Variants in PDE10A observed in about 807,000 individuals in gnomAD.
PDE10A encodes phosphodiesterase 10A.
A neutral mutation model predicts 97.7 loss-of-function variants in PDE10A; 39 were observed. That is an observed-to-expected ratio of 0.40 (90% CI 0.31 to 0.52). The LOEUF (loss-of-function observed/expected upper bound fraction) is 0.52. PDE10A is among the 20% of genes least tolerant of loss of function. The pLI, the probability that PDE10A is intolerant of heterozygous loss-of-function variation, is 0.56. For synonymous variants in PDE10A, 371 were observed against 376.8 expected, an observed-to-expected ratio of 0.98 and a Z score of 0.18; for missense variants, 731 against 1,047.8, an observed-to-expected ratio of 0.70 and a Z score of 4.17.
At chr6:165,405,085 T>TAA (rs397754932) in intron 13 of PDE10A, among the ~76,000 whole-genome samples, 1 of 148,652 alleles carries the variant, frequency 6.7e-6, no homozygotes, top group South Asian at 2.1e-4. Flanking sequence ...GGGAACAAAT[T>TAA]AAAAAAAAAA....
intron 1 of PDE10A, among the ~76,000 whole-genome samples, chr6:165,783,088 T>C (rs1267213319): frequency 7.2e-6 from 1 of 138,836 alleles, no homozygotes; most frequent in Non-Finnish European, 1.5e-5. Context: ...GTGAAGGCAG[T>C]AACATTTTTT....
chr6:165,461,082 G>A (rs1370584135), intron 3 of PDE10A, among the ~76,000 whole-genome samples: 2 of 103,834 alleles, frequency 1.9e-5, no homozygotes, highest in Non-Finnish European at 3.8e-5. Flanking sequence ...TAGAAAATGG[G>A]CACAGAGCTC....
intron 1 of PDE10A, among the ~76,000 whole-genome samples, chr6:165,786,693 C>T (rs1259968533): frequency 6.6e-6 from 1 of 152,090 alleles, no homozygotes; most frequent in African/African-American, 2.4e-5. Flanking sequence ...AAACTGATAT[C>T]AGAGTTCTTG....
chr6:165,333,472 G>A (rs989384525), intron 21 of PDE10A, among the ~76,000 whole-genome samples: 2 of 152,110 alleles, frequency 1.3e-5, no homozygotes, highest in African/African-American at 4.8e-5. Flanking sequence ...GCGGGATCGT[G>A]CAAAGGAGGT....
intron 1 of PDE10A, among the ~76,000 whole-genome samples, chr6:165,737,817 A>G (rs1463674652): frequency 3.3e-5 from 5 of 152,208 alleles, no homozygotes; most frequent in Non-Finnish European, 5.9e-5. Flanking sequence ...ATTAGGCAAG[A>G]AAAAGGAATA....
chr6:165,838,482 T>C (rs1267824126), intron 1 of PDE10A, among the ~76,000 whole-genome samples: 2 of 152,234 alleles, frequency 1.3e-5, no homozygotes, highest in Non-Finnish European at 2.9e-5. Flanking sequence ...ATTTTCAAGA[T>C]TGTGCAACCA....
rs556069735 is a variant in PDE10A at position 165,763,376 on chromosome 6, G to A, written c.-614-219808C>T. On this transcript the variant is annotated intron_variant, in intron 1 of 19. Transcript: ENST00000366882. Reference sequence around the variant, plus strand: ...CTTGCTCTGTCACCCAGGCTGGAACGCAGTGGCATGATCTCGGCTCACTGC... The same window carrying A: ...CTTGCTCTGTCACCCAGGCTGGAACACAGTGGCATGATCTCGGCTCACTGC... Among the ~76,000 whole-genome samples the A allele has an allele frequency of 8.5e-4, 130 of 152,270 alleles. 2 individuals are homozygous for A. The highest frequency in any genetic ancestry group is 3.1e-3 in the African/African-American group (129 of 41,538).
intron 16 of PDE10A, among the ~76,000 whole-genome samples, chr6:165,390,647 T>C (rs575490925): frequency 5.9e-5 from 9 of 152,106 alleles, no homozygotes; most frequent in South Asian, 4.1e-4. Context: ...GGGTCAGCTC[T>C]GGAGAGGAGT....
At chr6:165,821,680 G>A (rs561470670) in intron 1 of PDE10A, among the ~76,000 whole-genome samples, 2 of 152,042 alleles carry the variant, frequency 1.3e-5, no homozygotes, top group African/African-American at 2.4e-5. Flanking sequence ...CTAGATGCCT[G>A]GCTGTGTTTT....
rs924221843 is a variant in PDE10A, at chr6:165,450,304, C to T, written c.1082G>A (p.Arg361Gln). The change falls in exon 4 of 22, where the codon CGG becomes CAG. Residue 361 changes from arginine to glutamine, a missense_variant. Around this residue, in one of 8 missense-constraint regions of PDE10A, gnomAD observed 152 missense variants for 199.3 expected, o/e 0.76. Transcript: ENST00000539869. ...VYELNSYIEQRLDTGGDNQLL... is the reference protein window; with the variant it reads ...VYELNSYIEQQLDTGGDNQLL... ...CTGGTTGTCTCCTCCTGTGTCCAAC[C>T]GTTGTTCTATATAGCTGTTTAGTTC... 6 of 1,600,122 alleles carry T rather than the reference C, an allele frequency of 3.7e-6. No individual in the cohort carries two copies. Among genetic ancestry groups the T allele is most frequent in the African/African-American group, 2.7e-5 (2 of 74,600 alleles).
chr6:165,901,123 C>G (rs1198621040), intron 1 of PDE10A, among the ~76,000 whole-genome samples: 1 of 152,182 alleles, frequency 6.6e-6, no homozygotes, highest in African/African-American at 2.4e-5. Flanking sequence ...TTTGATGATT[C>G]CGCAGCGAAA....
intron 1 of PDE10A, among the ~76,000 whole-genome samples, chr6:165,714,627 T>C (rs568065928): frequency 6.6e-5 from 10 of 152,154 alleles, no homozygotes. Flanking sequence ...TCCACAGGGG[T>C]GTCCCAGGGT....
intron 1 of PDE10A, among the ~76,000 whole-genome samples, chr6:165,676,909 G>A (rs1790814232): frequency 6.6e-6 from 1 of 152,222 alleles, no homozygotes; most frequent in African/African-American, 2.4e-5. Flanking sequence ...GCATGGCTGG[G>A]GCCTCCAGGG....
chr6:165,721,010 A>G (rs959054950), intron 1 of PDE10A, among the ~76,000 whole-genome samples: 1 of 152,238 alleles, frequency 6.6e-6, no homozygotes, highest in African/African-American at 2.4e-5. Context: ...AGTTATGTGT[A>G]AATAGTGTTA....
intron 1 of PDE10A, among the ~76,000 whole-genome samples, chr6:165,840,658 C>T (rs1365177633): frequency 6.6e-6 from 1 of 152,216 alleles, no homozygotes; most frequent in East Asian, 1.9e-4. Flanking sequence ...TTCTAGCATA[C>T]TGTAGGACAC....
At chr6:165,446,828 G>A (rs1438678260) in intron 5 of PDE10A, among the ~76,000 whole-genome samples, 1 of 152,156 alleles carries the variant, frequency 6.6e-6, no homozygotes, top group Non-Finnish European at 1.5e-5. Flanking sequence ...GGGAAAGAAA[G>A]AAGGAACAGG....
chr6:165,402,948 T>A (rs1159673678), intron 13 of PDE10A, among the ~76,000 whole-genome samples: 1 of 152,180 alleles, frequency 6.6e-6, no homozygotes. Flanking sequence ...AGAGTCACTT[T>A]AGGGTCGGGC....
chr6:165,849,694 G>A (rs934281881), intron 1 of PDE10A, among the ~76,000 whole-genome samples: 6 of 152,128 alleles, frequency 3.9e-5, no homozygotes, highest in Non-Finnish European at 7.3e-5. Context: ...TGTGAGAGCC[G>A]GGGGCCCAGG....
chr6:165,888,280 G>T (rs1309663683), intron 1 of PDE10A, among the ~76,000 whole-genome samples: 2 of 147,740 alleles, frequency 1.4e-5, no homozygotes, highest in African/African-American at 2.6e-5. Flanking sequence ...ACCTATGCTT[G>T]CTTTTCTTTT....
Sources: gnomAD v4.1 joint callset for allele counts (sites outside exome capture counted in the v4.1 genomes callset) on GRCh38, gnomAD v4.1.1 for gene constraint, gnomAD v4.1.1 regional missense constraint, MANE v1.5 for transcripts, NCBI Gene and HGNC (gene_info 2026-07-23, HGNC 2026-07-21) for gene names.